The following TENM4 variants were observed in gnomAD, a reference collection of about 807,000 sequenced individuals.
TENM4 encodes the protein teneurin-4.
A neutral mutation model predicts 243.3 loss-of-function variants in TENM4; 82 were observed. The ratio of observed to expected loss-of-function variants is 0.34; its 90% CI spans 0.28 to 0.40. TENM4 has a LOEUF of 0.40. Ranked by LOEUF, TENM4 falls within the 10% of genes least tolerant of loss-of-function variation. The pLI is 1.00. For synonymous variants in TENM4, 1,412 were observed against 1,456.3 expected (o/e 0.97, Z 0.69); for missense variants, 3,138 against 3,673.3 (o/e 0.85, Z 3.77).
chr11:79,348,200 AT>A (rs1857360647), intron 1 of TENM4, among the ~76,000 whole-genome samples: 1 of 152,204 alleles, frequency 6.6e-6, no homozygotes, highest in Admixed American at 6.5e-5. Flanking sequence ...CCATCTGTTC[AT>A]TTATGTAATA....
intron 6 of TENM4, among the ~76,000 whole-genome samples, chr11:79,041,217 C>T (rs1210808024): frequency 3.9e-5 from 6 of 152,152 alleles, no homozygotes; most frequent in African/African-American, 1.4e-4. Context: ...GCATCTGCCA[C>T]TGCACCTGGC....
intron 6 of TENM4, among the ~76,000 whole-genome samples, chr11:79,063,991 A>T (rs1860170615): frequency 6.6e-6 from 1 of 152,058 alleles, no homozygotes; most frequent in Non-Finnish European, 1.5e-5. Flanking sequence ...TAATAATTGT[A>T]TATATTTATA....
intron 1 of TENM4, among the ~76,000 whole-genome samples, chr11:79,321,765 A>G (rs1450948706): frequency 6.6e-6 from 1 of 152,274 alleles, no homozygotes; most frequent in East Asian, 1.9e-4. Context: ...AGTGCAAAAC[A>G]TATCTCAGAG....
chr11:79,105,191 T>C (rs1458869028), intron 4 of TENM4, among the ~76,000 whole-genome samples: 1 of 152,214 alleles, frequency 6.6e-6, no homozygotes. Flanking sequence ...TTAATAGTTG[T>C]TGTAAAACAA....
chr11:79,342,888 G>A (rs915410639), intron 1 of TENM4, among the ~76,000 whole-genome samples: 4 of 152,344 alleles, frequency 2.6e-5, no homozygotes, highest in Admixed American at 2.6e-4. Flanking sequence ...CTGCAGCTTT[G>A]CATGAATGTG....
intron 24 of TENM4, among the ~76,000 whole-genome samples, chr11:78,722,425 C>A (rs1855407060): frequency 6.6e-6 from 1 of 152,178 alleles, no homozygotes; most frequent in South Asian, 2.1e-4. Context: ...CTGCTAGCAG[C>A]CTTCTATGTC....
chr11:79,138,409 A>T (rs1245125496), intron 4 of TENM4, among the ~76,000 whole-genome samples: 4 of 117,692 alleles, frequency 3.4e-5, no homozygotes, highest in African/African-American at 6.8e-5. Context: ...TATATAAATA[A>T]AATATATATT....
chr11:79,180,009 G>T (rs1171561402), intron 3 of TENM4, among the ~76,000 whole-genome samples: 1 of 151,702 alleles, frequency 6.6e-6, no homozygotes, highest in Non-Finnish European at 1.5e-5. Context: ...TGATCTCTCT[G>T]TCTCCAAAAC....
intron 15 of TENM4, among the ~76,000 whole-genome samples, chr11:78,791,294 C>T (rs1047377443): frequency 6.6e-6 from 1 of 152,124 alleles, no homozygotes; most frequent in African/African-American, 2.4e-5. Flanking sequence ...ATTTTTCCTT[C>T]TCAGATTCTG....
At chr11:79,347,417 G>A (rs1216239150) in intron 1 of TENM4, among the ~76,000 whole-genome samples, 1 of 152,176 alleles carries the variant, frequency 6.6e-6, no homozygotes, top group Non-Finnish European at 1.5e-5. Flanking sequence ...TATAAGGCTG[G>A]CTGACTTATT....
chr11:78,967,626 T>C (rs1001732872), intron 6 of TENM4, among the ~76,000 whole-genome samples: 6 of 152,184 alleles, frequency 3.9e-5, no homozygotes, highest in Admixed American at 2.6e-4. Flanking sequence ...GGGGCTCAGA[T>C]GTATGTTCAC....
chr11:79,439,365 C>T (rs752168606), intron 1 of TENM4, among the ~76,000 whole-genome samples: 1 of 151,970 alleles, frequency 6.6e-6, no homozygotes, highest in Non-Finnish European at 1.5e-5. Flanking sequence ...GGGGGCTTGG[C>T]GCGGTACTGT....
intron 6 of TENM4, among the ~76,000 whole-genome samples, chr11:78,976,424 A>T (rs539044463): frequency 6.6e-6 from 1 of 152,182 alleles, no homozygotes; most frequent in East Asian, 1.9e-4. Flanking sequence ...TAAAAAAAAA[A>T]CCAGAAAGCC....
chr11:78,932,173 T>A (rs1434985874), intron 6 of TENM4, among the ~76,000 whole-genome samples: 1 of 152,236 alleles, frequency 6.6e-6, no homozygotes, highest in Non-Finnish European at 1.5e-5. Context: ...CACTGTAGGC[T>A]TCAACTAAAC....
intron 6 of TENM4, among the ~76,000 whole-genome samples, chr11:79,045,072 C>A (rs1423812416): frequency 6.6e-6 from 1 of 152,148 alleles, no homozygotes; most frequent in East Asian, 1.9e-4. Context: ...CCAGAGAAAC[C>A]CCCATACCCA....
intron 3 of TENM4, among the ~76,000 whole-genome samples, chr11:79,183,790 T>C (rs1192568146): frequency 6.6e-6 from 1 of 152,198 alleles, no homozygotes; most frequent in Non-Finnish European, 1.5e-5. Flanking sequence ...ATAAAATGAA[T>C]GAATGAATGA....
At chr11:79,331,497 G>T (rs1857061344) in intron 1 of TENM4, among the ~76,000 whole-genome samples, 1 of 152,132 alleles carries the variant, frequency 6.6e-6, no homozygotes, top group Admixed American at 6.5e-5. Flanking sequence ...GGACAGCTGG[G>T]GCGCCAACCA....
chr11:79,091,326 G>A lies in TENM4; in HGVS notation c.-65-21317C>T, dbSNP rs111956940. On this transcript the variant is annotated intron_variant, in intron 4 of 33. Transcript: ENST00000278550. The stretch of plus-strand genomic sequence containing the variant: ...TCCTGTTTTCTCATTTAAGAAGTCC[G>A]TCATAAATGGCTAATTTATTCCTTT... Among the ~76,000 whole-genome samples, 530 of 152,192 alleles carry A rather than the reference G, an allele frequency of 3.5e-3. 1 individual carries two copies. The highest frequency in any genetic ancestry group is 0.012 in the African/African-American group (506 of 41,514).
intron 6 of TENM4, chr11:79,021,755 G>T (rs1380912093): frequency 6.6e-6 from 1 of 152,236 alleles, no homozygotes; most frequent in East Asian, 1.9e-4. Context: ...GATGATGTGG[G>T]ATGCCTCCAG....
Sources: allele counts gnomAD v4.1 joint callset (sites outside exome capture counted in the v4.1 genomes callset), GRCh38; gene constraint gnomAD v4.1.1; transcripts MANE v1.5; gene names NCBI Gene and HGNC (gene_info 2026-07-23, HGNC 2026-07-21).